Variants in UPRT observed in about 807,000 individuals in gnomAD.
The protein encoded by UPRT is uracil phosphoribosyltransferase homolog.
Under a neutral mutation model 22.6 loss-of-function variants are expected in UPRT, and 5 were observed. The observed-to-expected ratio is 0.22, with a 90% CI of 0.12 to 0.47. The LOEUF is 0.47. UPRT is among the 20% of genes least tolerant of loss of function. The probability of loss-of-function intolerance (pLI) is 0.99; values close to 1 mark genes in which losing one functional copy is unlikely to be tolerated. For synonymous variants in UPRT, 77 were observed against 87.7 expected (o/e 0.88, Z 0.68); for missense variants, 181 against 239.9 (o/e 0.75, Z 1.62).
At chrX:75,182,664 GT>G (rs1286841142) in intron 4 of UPRT, among the ~76,000 whole-genome samples, 1 of 111,485 alleles carries the variant, frequency 9.0e-6, no homozygotes, top group South Asian at 3.8e-4. Flanking sequence ...GTCTCTCTGT[GT>G]TTTTTGTATA....
chrX:75,252,564 A>C (rs1488726873), intron 4 of UPRT, among the ~76,000 whole-genome samples: 1 of 112,284 alleles, frequency 8.9e-6, no homozygotes, highest in East Asian at 2.8e-4. Flanking sequence ...GAGGATGTGG[A>C]GAAATAGAAA....
chrX:75,178,749 C>T (rs6607517), intron 4 of UPRT, among the ~76,000 whole-genome samples: 15,899 of 110,090 alleles, frequency 0.14, 1,793 homozygotes, highest in East Asian at 0.91. Flanking sequence ...CAGATCTTTG[C>T]GGTGAGTGTT....
At position 75,253,253 on chromosome X, in the gene UPRT, A is replaced by C. The variant is rs911028535; in HGVS notation, c.-446-37771A>C. 3.6e-5 allele frequency among the ~76,000 whole-genome samples: 4 copies of C among 112,342 alleles called. No individual in the cohort carries two copies. In the Admixed American group the frequency reaches 3.8e-4, roughly 11 times the overall value. On this transcript the variant is annotated intron_variant, in intron 4 of 13. Coordinates refer to the UPRT transcript ENST00000652605. ...CCCAATTAAGAAGTGGGCAGAGGACATGAACAGACACTTTTCAAAAGAGTA... is the reference window on the plus strand; with the variant it reads ...CCCAATTAAGAAGTGGGCAGAGGACCTGAACAGACACTTTTCAAAAGAGTA...
intron 4 of UPRT, among the ~76,000 whole-genome samples, chrX:75,233,422 G>A (rs138176137): frequency 1.1e-3 from 127 of 110,734 alleles, no homozygotes; most frequent in African/African-American, 3.7e-3. Flanking sequence ...TTCAGATTCA[G>A]GAAATACAGA....
chrX:75,184,637 T>C (rs1296210677), intron 4 of UPRT, among the ~76,000 whole-genome samples: 4 of 107,930 alleles, frequency 3.7e-5, no homozygotes, highest in African/African-American at 1.4e-4. Flanking sequence ...TTTCACGATA[T>C]TGATTCTTCC....
exon 2 of UPRT, among the ~76,000 whole-genome samples, chrX:75,160,561 C>T (rs2082196070): frequency 8.9e-6 from 1 of 112,143 alleles, no homozygotes; most frequent in Non-Finnish European, 1.9e-5. Flanking sequence ...GACAGAGTCT[C>T]GCTCTTGTCA....
chrX:75,228,489 A>G (rs765142309), intron 4 of UPRT, among the ~76,000 whole-genome samples: 1 of 111,986 alleles, frequency 8.9e-6, no homozygotes, highest in Non-Finnish European at 1.9e-5. Flanking sequence ...CACCAGCATC[A>G]TCAAATGGTT....
At chrX:75,243,980 T>C (rs887236174) in intron 4 of UPRT, among the ~76,000 whole-genome samples, 7 of 111,936 alleles carry the variant, frequency 6.3e-5, no homozygotes, top group African/African-American at 2.3e-4. Context: ...ATTTGCATTA[T>C]GTGCCAGGTG....
chrX:75,255,067 G>A (rs977533078), intron 4 of UPRT, among the ~76,000 whole-genome samples: 17 of 110,367 alleles, frequency 1.5e-4, no homozygotes, highest in South Asian at 3.8e-4. Context: ...GAGCCACCGC[G>A]CCCGGCCAGG....
At chrX:75,178,268 GC>G (rs750032380) in intron 4 of UPRT, among the ~76,000 whole-genome samples, 1 of 112,107 alleles carries the variant, frequency 8.9e-6, no homozygotes, top group East Asian at 2.8e-4. Flanking sequence ...GCCGACAGGT[GC>G]CCAGTTTTTA....
intron 4 of UPRT, among the ~76,000 whole-genome samples, chrX:75,238,674 C>G (rs1004620061): frequency 7.2e-5 from 8 of 111,372 alleles, no homozygotes; most frequent in Non-Finnish European, 1.3e-4. Context: ...TTCTTTTCAT[C>G]AGCACATGGA....
At chrX:75,247,929 C>G (rs972164282) in intron 4 of UPRT, among the ~76,000 whole-genome samples, 2 of 111,995 alleles carry the variant, frequency 1.8e-5, no homozygotes. Context: ...ATCCGCTGTT[C>G]TGCAGCCATT....
At chrX:75,202,976 A>G (rs1001060265) in intron 4 of UPRT, among the ~76,000 whole-genome samples, 1 of 111,934 alleles carries the variant, frequency 8.9e-6, no homozygotes. Context: ...AATGGACTGA[A>G]TGCCCCAATT....
chrX:75,287,825 G>A (rs778429857), intron 1 of UPRT, among the ~76,000 whole-genome samples: 1 of 110,843 alleles, frequency 9.0e-6, no homozygotes. Flanking sequence ...AATTAAAGTC[G>A]GAGTGGAAGT....
intron 4 of UPRT, among the ~76,000 whole-genome samples, chrX:75,265,266 G>T (rs905196681): frequency 3.6e-5 from 4 of 111,833 alleles, no homozygotes; most frequent in African/African-American, 1.3e-4. Context: ...AGAATATCCT[G>T]CAGAGTGTTT....
rs760742746 is a variant in UPRT at position 75,179,502 on chromosome X, G to A, written c.-447+11623G>A. 2.9e-3 allele frequency among the ~76,000 whole-genome samples: 330 copies of A among 113,513 alleles called. 1 individual carries two copies. Among genetic ancestry groups the A allele is most frequent in the Middle Eastern group, 4.6e-3 (1 of 219 alleles). The stretch of plus-strand genomic sequence containing the variant: ...TGCAGGAGCTGCCTGCCAGTCTCGC[G>A]CCATGCGCTCGCACTCCTCAGCCCT... On this transcript the variant is annotated intron_variant, in intron 4 of 13. Transcript: ENST00000652605.
chrX:75,169,789 A>C (rs980747993), intron 4 of UPRT, among the ~76,000 whole-genome samples: 1 of 111,783 alleles, frequency 8.9e-6, no homozygotes, highest in African/African-American at 3.3e-5. Flanking sequence ...TGTTAAGTCC[A>C]TTTGTTCCAG....
chrX:75,253,669 C>G (rs1403987424), intron 4 of UPRT, among the ~76,000 whole-genome samples: 2 of 111,970 alleles, frequency 1.8e-5, no homozygotes, highest in Non-Finnish European at 1.9e-5. Flanking sequence ...ATCAGGTAAC[C>G]TAAGAGGACC....
intron 4 of UPRT, among the ~76,000 whole-genome samples, chrX:75,230,813 C>T (rs1368311720): frequency 1.8e-5 from 2 of 111,744 alleles, no homozygotes; most frequent in East Asian, 2.8e-4. Flanking sequence ...GCCTAAATCC[C>T]AGTAGCCACA....
Sources: allele counts gnomAD v4.1 joint callset (sites outside exome capture counted in the v4.1 genomes callset), GRCh38; gene constraint gnomAD v4.1.1; transcripts MANE v1.5; gene names NCBI Gene and HGNC (gene_info 2026-07-23, HGNC 2026-07-21).